PCDH11X: variants seen among roughly 807,000 people sequenced by gnomAD.
The protein encoded by PCDH11X is protocadherin 11 X-linked, also known as protocadherin-11 X-linked.
Under a neutral mutation model 53.3 loss-of-function variants are expected in PCDH11X, and 18 were observed. The observed-to-expected ratio is 0.34, with a 90% CI of 0.23 to 0.50. PCDH11X has a LOEUF of 0.50. Ranked by LOEUF, PCDH11X falls within the 20% of genes least tolerant of loss-of-function variation. The pLI, the probability that PCDH11X is intolerant of heterozygous loss-of-function variation, is 0.98. For missense variants in PCDH11X, 570 were observed against 1,032.4 expected (o/e 0.55, Z 6.14); for synonymous variants, 279 against 393.3 (o/e 0.71, Z 3.44).
chrX:92,031,795 G>A (rs1451270686), intron 6 of PCDH11X, among the ~76,000 whole-genome samples: 1 of 111,380 alleles, frequency 9.0e-6, no homozygotes, highest in African/African-American at 3.3e-5. Flanking sequence ...TTCACTGTAG[G>A]TGTATGGATT....
intron 6 of PCDH11X, among the ~76,000 whole-genome samples, chrX:92,069,735 G>C (rs1201141015): frequency 1.8e-5 from 2 of 111,479 alleles, no homozygotes; most frequent in East Asian, 5.6e-4. Flanking sequence ...AGGCTGGAGT[G>C]CAGTGGCACG....
chrX:92,377,884 T>TTATA (rs199747611), intron 8 of PCDH11X, among the ~76,000 whole-genome samples: 11 of 104,438 alleles, frequency 1.1e-4, no homozygotes, highest in Admixed American at 2.1e-4. Context: ...AAATATAAAA[T>TTATA]TATATATATA....
At chrX:91,854,241 A>G (rs755278802) in intron 5 of PCDH11X, among the ~76,000 whole-genome samples, 1 of 111,829 alleles carries the variant, frequency 8.9e-6, no homozygotes, top group South Asian at 3.7e-4. Flanking sequence ...TCCCACAAAT[A>G]TGTGAGAACG....
intron 8 of PCDH11X, among the ~76,000 whole-genome samples, chrX:92,385,798 G>A (rs999091078): frequency 1.2e-4 from 13 of 111,232 alleles, no homozygotes; most frequent in African/African-American, 3.9e-4. Context: ...TTCCAACCTA[G>A]ATGACAGAAT....
chrX:92,257,736 C>T (rs1007760630), intron 7 of PCDH11X, among the ~76,000 whole-genome samples: 6 of 112,690 alleles, frequency 5.3e-5, no homozygotes, highest in Admixed American at 1.9e-4. Context: ...CTGGTGCAAA[C>T]GGTGGGCTCC....
At chrX:92,248,754 G>C (rs1002490960) in intron 7 of PCDH11X, among the ~76,000 whole-genome samples, 5 of 111,372 alleles carry the variant, frequency 4.5e-5, no homozygotes, top group African/African-American at 1.6e-4. Flanking sequence ...TCAGTGGTGC[G>C]ATCTTGGCTC....
intron 5 of PCDH11X, among the ~76,000 whole-genome samples, chrX:91,858,656 A>T (rs1209884396): frequency 9.3e-6 from 1 of 107,454 alleles, no homozygotes; most frequent in East Asian, 3.0e-4. Flanking sequence ...TCTCTCTCAA[A>T]TTCAAAGTTC....
chrX:92,206,602 C>G (rs1033233808), intron 7 of PCDH11X, among the ~76,000 whole-genome samples: 2 of 110,965 alleles, frequency 1.8e-5, no homozygotes, highest in African/African-American at 6.6e-5. Flanking sequence ...TCTCGGCTCA[C>G]TGTAACCTCT....
intron 6 of PCDH11X, among the ~76,000 whole-genome samples, chrX:92,063,048 T>G (rs766714129): frequency 7.0e-4 from 78 of 110,680 alleles, no homozygotes; most frequent in African/African-American, 2.5e-3. Context: ...TGCAGGGACG[T>G]GGATGAAGCT....
At chrX:91,927,971 A>T (rs1462587169) in intron 6 of PCDH11X, among the ~76,000 whole-genome samples, 3 of 111,549 alleles carry the variant, frequency 2.7e-5, no homozygotes, top group Non-Finnish European at 1.9e-5. Flanking sequence ...CCCAGTGTTT[A>T]AAGGTAGACT....
chrX:92,498,022 T>A (rs1436148552), intron 10 of PCDH11X, among the ~76,000 whole-genome samples: 2 of 112,024 alleles, frequency 1.8e-5, no homozygotes, highest in Non-Finnish European at 3.8e-5. Flanking sequence ...GATGAACAGT[T>A]TATTAACTTT....
chrX:92,166,677 C>A (rs372051246), intron 6 of PCDH11X, among the ~76,000 whole-genome samples: 1 of 109,915 alleles, frequency 9.1e-6, no homozygotes, highest in Admixed American at 9.8e-5. Flanking sequence ...GCAGGAGAAT[C>A]GCTTGAGCCC....
chrX:91,930,135 A>T (rs1942076937), intron 6 of PCDH11X, among the ~76,000 whole-genome samples: 1 of 108,917 alleles, frequency 9.2e-6, no homozygotes, highest in Admixed American at 1.0e-4. Flanking sequence ...AGGCTCAAAG[A>T]CTCATTAAAA....
intron 7 of PCDH11X, among the ~76,000 whole-genome samples, chrX:92,235,647 ATTATCT>A (rs1236415778): frequency 9.0e-6 from 1 of 111,340 alleles, no homozygotes; most frequent in Non-Finnish European, 1.9e-5. Flanking sequence ...ACCATTCAAA[ATTATCT>A]TTATATTTTA....
chrX:91,881,026 A>T (rs902034836), intron 6 of PCDH11X, among the ~76,000 whole-genome samples: 1 of 111,386 alleles, frequency 9.0e-6, no homozygotes, highest in African/African-American at 3.3e-5. Context: ...ACATATGTAG[A>T]TCATCATTTT....
chrX:92,267,999 T>C (rs1027318431), intron 8 of PCDH11X, among the ~76,000 whole-genome samples: 2 of 112,217 alleles, frequency 1.8e-5, no homozygotes, highest in African/African-American at 6.5e-5. Flanking sequence ...CTTCCATCAA[T>C]GTGTGAATTT....
At chrX:92,452,076 A>G (rs1053486879) in intron 9 of PCDH11X, among the ~76,000 whole-genome samples, 15 of 109,928 alleles carry the variant, frequency 1.4e-4, no homozygotes, top group South Asian at 3.9e-4. Flanking sequence ...GGATATGGAT[A>G]GACAAATTAT....
intron 10 of PCDH11X, among the ~76,000 whole-genome samples, chrX:92,480,215 T>G: frequency 8.9e-6 from 1 of 111,814 alleles, no homozygotes; most frequent in Non-Finnish European, 1.9e-5. Flanking sequence ...TTATATTATT[T>G]TCTATAAAGA....
intron 7 of PCDH11X, among the ~76,000 whole-genome samples, chrX:92,256,949 T>A (rs1215683347): frequency 4.5e-5 from 5 of 111,658 alleles, no homozygotes; most frequent in Admixed American, 9.5e-5. Flanking sequence ...TTTCAGCATG[T>A]GTATTAGTCC....
Sources: allele counts gnomAD v4.1 joint callset (sites outside exome capture counted in the v4.1 genomes callset), GRCh38; gene constraint gnomAD v4.1.1; transcripts MANE v1.5; gene names NCBI Gene and HGNC (gene_info 2026-07-23, HGNC 2026-07-21).